The following GLI2 variants were observed in gnomAD, a reference collection of about 807,000 sequenced individuals.
The protein encoded by GLI2 is transcription activator GLI2.
Under a neutral mutation model 78.9 loss-of-function variants are expected in GLI2, and 22 were observed. That is an observed-to-expected ratio of 0.28 (90% CI 0.20 to 0.40). The LOEUF (loss-of-function observed/expected upper bound fraction) is 0.40. Among genes scored for constraint, GLI2 ranks in the 10% least tolerant of loss-of-function variants. The probability of loss-of-function intolerance (pLI) is 1.00; values close to 1 mark genes in which losing one functional copy is unlikely to be tolerated. For missense variants in GLI2, 2,097 were observed against 2,213.2 expected (o/e 0.95, Z 1.05); for synonymous variants, 974 against 963.7 (o/e 1.01, Z -0.20).
intron 3 of GLI2, among the ~76,000 whole-genome samples, chr2:120,941,378 C>T (rs1680440259): frequency 6.6e-6 from 1 of 152,162 alleles, no homozygotes; most frequent in African/African-American, 2.4e-5. Flanking sequence ...CCTACAAAAC[C>T]AAACAACAAA....
chr2:120,943,644 C>G (rs950819884), intron 3 of GLI2, among the ~76,000 whole-genome samples: 9 of 152,362 alleles, frequency 5.9e-5, no homozygotes, highest in African/African-American at 2.2e-4. Context: ...CTCAGCAGTG[C>G]TGTCTGTTAA....
rs749423913 is a variant in GLI2 at position 120,988,426 on chromosome 2, G to T, written c.2461G>T (p.Ala821Ser). ...PYFSSRRSSE[A>S]SPLGAGRPHN... ...CTTCTCCAGCCGCCGCTCCAGCGAG[G>T]CCTCGCCCCTGGGCGCCGGCCGCCC... is the stretch of plus-strand genomic sequence containing the variant. Residue 821 changes from alanine to serine, a missense_variant, in exon 14 of 14, where the codon GCC (alanine) becomes TCC (serine). Ala to Ser is a moderately conservative substitution (Grantham distance 99). Coordinates refer to ENST00000361492, the MANE Select transcript of GLI2 (RefSeq NM_001374353.1). The T allele has an allele frequency of 2.5e-6, 4 of 1,575,606 alleles. No individual in the cohort carries two copies. The highest frequency in any genetic ancestry group is 3.4e-6 in the Non-Finnish European group (4 of 1,170,446).
intron 5 of GLI2, among the ~76,000 whole-genome samples, chr2:120,961,031 C>T (rs1681528758): frequency 6.6e-6 from 1 of 152,142 alleles, no homozygotes; most frequent in African/African-American, 2.4e-5. Context: ...GTCACCCGGG[C>T]CCTAAAATGG....
At chr2:120,821,644 C>G (rs990659703) in intron 2 of GLI2, among the ~76,000 whole-genome samples, 1 of 152,218 alleles carries the variant, frequency 6.6e-6, no homozygotes, top group Non-Finnish European at 1.5e-5. Flanking sequence ...TCCTCACCCT[C>G]TCGTCTTTCT....
Position 120,774,250 on chromosome 2 carries a change from G to A in GLI2, c.-30-23041G>A, listed in dbSNP as rs147625189. Among the ~76,000 whole-genome samples the A allele has an allele frequency of 5.1e-3, 777 of 152,182 alleles. 8 individuals are homozygous for A. The highest frequency in any genetic ancestry group is 0.018 in the African/African-American group (747 of 41,514). ...ATCTGGCAGCTTTGGGTGCATTTGA[G>A]GTAAAGACTGCATCCCCTCCCTGCT... On this transcript the variant is annotated intron_variant, in intron 1 of 13. Transcript: ENST00000361492.
At chr2:120,959,814 G>C (rs1681458036) in intron 5 of GLI2, among the ~76,000 whole-genome samples, 1 of 152,194 alleles carries the variant, frequency 6.6e-6, no homozygotes, top group African/African-American at 2.4e-5. Context: ...TTTCCACTAG[G>C]TTTCTTTTTG....
intron 2 of GLI2, among the ~76,000 whole-genome samples, chr2:120,926,548 G>A (rs1679687168): frequency 6.6e-6 from 1 of 152,194 alleles, no homozygotes; most frequent in African/African-American, 2.4e-5. Context: ...CCTTTTCCCA[G>A]TATAACTACT....
At chr2:120,751,378 G>A (rs1682869808) in intron 1 of GLI2, among the ~76,000 whole-genome samples, 1 of 151,794 alleles carries the variant, frequency 6.6e-6, no homozygotes, top group African/African-American at 2.4e-5. Context: ...TAGATTGTAT[G>A]GTTTACAGTT....
chr2:120,986,194 G>A (rs1682961772), intron 12 of GLI2, 84 bp from the exon 13 acceptor site: 1 of 1,258,034 alleles, frequency 7.9e-7, no homozygotes, highest in East Asian at 2.4e-5. Flanking sequence ...GGGCGAGGGT[G>A]TGGTGCCTGT....
intron 8 of GLI2, 66 bp downstream of exon 8, chr2:120,972,129 T>G: frequency 1.3e-6 from 2 of 1,582,396 alleles, no homozygotes; most frequent in Non-Finnish European, 1.7e-6. Context: ...GCCTTGGGGC[T>G]GTACCCTTGG....
At chr2:120,976,738 G>T (rs1682473169) in intron 9 of GLI2, among the ~76,000 whole-genome samples, 1 of 152,188 alleles carries the variant, frequency 6.6e-6, no homozygotes, top group African/African-American at 2.4e-5. Context: ...AGGGGCTTCT[G>T]CCTGTGCCCT....
intron 6 of GLI2, among the ~76,000 whole-genome samples, chr2:120,970,119 G>C (rs1295233961): frequency 1.7e-4 from 26 of 152,214 alleles, no homozygotes; most frequent in Non-Finnish European, 2.9e-4. Flanking sequence ...AGGCCAGGGT[G>C]TGGGGATGAG....
intron 2 of GLI2, among the ~76,000 whole-genome samples, chr2:120,859,360 T>C (rs1306484703): frequency 6.6e-6 from 1 of 152,122 alleles, no homozygotes; most frequent in Non-Finnish European, 1.5e-5. Context: ...CCTTCCCCTC[T>C]TGAAGGAAGG....
chr2:120,904,982 G>A (rs954537459), intron 2 of GLI2, among the ~76,000 whole-genome samples: 4 of 152,198 alleles, frequency 2.6e-5, no homozygotes, highest in East Asian at 1.9e-4. Context: ...AAAGTTTATC[G>A]TTGCCACGGA....
intron 2 of GLI2, among the ~76,000 whole-genome samples, chr2:120,841,271 A>C (rs190458360): frequency 1.3e-3 from 191 of 152,304 alleles, no homozygotes; most frequent in Non-Finnish European, 2.4e-3. Flanking sequence ...TCCACTGGCT[A>C]AGTCACTCAC....
intron 3 of GLI2, among the ~76,000 whole-genome samples, chr2:120,939,084 C>A (rs1680330346): frequency 1.3e-5 from 2 of 152,180 alleles, no homozygotes; most frequent in African/African-American, 4.8e-5. Flanking sequence ...AAGTTCGAGA[C>A]CAGCCTGGCC....
intron 2 of GLI2, among the ~76,000 whole-genome samples, chr2:120,878,333 C>T (rs940785209): frequency 6.6e-6 from 1 of 152,206 alleles, no homozygotes; most frequent in Non-Finnish European, 1.5e-5. Flanking sequence ...CTGAGGAAGC[C>T]CATCTCTTTA....
intron 2 of GLI2, among the ~76,000 whole-genome samples, chr2:120,891,807 C>T (rs966109160): frequency 6.6e-6 from 1 of 152,182 alleles, no homozygotes; most frequent in Non-Finnish European, 1.5e-5. Context: ...ACTGAAAAAG[C>T]AGCAGAGAGG....
chr2:120,898,019 G>A (rs1558866839), intron 2 of GLI2, among the ~76,000 whole-genome samples: 1 of 152,050 alleles, frequency 6.6e-6, no homozygotes, highest in African/African-American at 2.4e-5. Context: ...ACCGTTCAGA[G>A]GAGTTGATAC....
Sources: gnomAD v4.1 joint callset for allele counts (sites outside exome capture counted in the v4.1 genomes callset) on GRCh38, gnomAD v4.1.1 for gene constraint, MANE v1.5 for transcripts, NCBI Gene and HGNC (gene_info 2026-07-23, HGNC 2026-07-21) for gene names.